VSTM2B: variants seen among roughly 807,000 people sequenced by gnomAD.
The protein encoded by VSTM2B is V-set and transmembrane domain containing 2B.
In VSTM2B, 24 loss-of-function variants were observed where a neutral mutation model predicts 24.0. The ratio of observed to expected loss-of-function variants is 1.00; its 90% CI spans 0.72 to 1.40. VSTM2B has a LOEUF of 1.40. VSTM2B is among the 40% of genes most tolerant of loss of function. The pLI is 0.00. For synonymous variants in VSTM2B, 226 were observed against 194.4 expected, an observed-to-expected ratio of 1.16 and a Z score of -1.35; for missense variants, 399 against 416.4, an observed-to-expected ratio of 0.96 and a Z score of 0.36.
At chr19:29,532,284 G>A (rs1236226654) in intron 4 of VSTM2B, among the ~76,000 whole-genome samples, 1 of 152,166 alleles carries the variant, frequency 6.6e-6, no homozygotes, top group African/African-American at 2.4e-5. Flanking sequence ...GTCCAACATG[G>A]ATGTAGGGCC....
At chr19:29,562,262 C>A (rs924244095) in intron 4 of VSTM2B, among the ~76,000 whole-genome samples, 3 of 152,112 alleles carry the variant, frequency 2.0e-5, no homozygotes, top group Admixed American at 6.5e-5. Context: ...CAGCTATGGC[C>A]AGAGCAGGGA....
intron 4 of VSTM2B, among the ~76,000 whole-genome samples, chr19:29,550,727 C>T (rs73029470): frequency 0.19 from 28,468 of 151,994 alleles, 3,885 homozygotes; most frequent in African/African-American, 0.38. Context: ...AAATGAGCCT[C>T]CACTTAGCCA....
chr19:29,561,300 A>C (rs1433206240), intron 4 of VSTM2B, among the ~76,000 whole-genome samples: 1 of 150,826 alleles, frequency 6.6e-6, no homozygotes, highest in Non-Finnish European at 1.5e-5. Context: ...TGACAGAGTG[A>C]GACTCCATCT....
intron 4 of VSTM2B, among the ~76,000 whole-genome samples, chr19:29,537,848 T>C (rs1039475914): frequency 6.0e-5 from 9 of 150,194 alleles, no homozygotes; most frequent in African/African-American, 2.2e-4. Flanking sequence ...AAAGTCCCAG[T>C]TGAGCACCCA....
intron 4 of VSTM2B, among the ~76,000 whole-genome samples, chr19:29,542,544 G>A (rs1970047238): frequency 6.6e-6 from 1 of 151,546 alleles, no homozygotes; most frequent in Non-Finnish European, 1.5e-5. Context: ...TGGGTGGAGG[G>A]ATGATGAGTG....
intron 4 of VSTM2B, among the ~76,000 whole-genome samples, chr19:29,536,110 G>A (rs77620805): frequency 9.2e-5 from 14 of 152,276 alleles, no homozygotes; most frequent in African/African-American, 1.9e-4. Flanking sequence ...CATTATCAGC[G>A]ACATGGCATC....
At chr19:29,541,987 T>A (rs139322079) in intron 4 of VSTM2B, among the ~76,000 whole-genome samples, 59 of 147,596 alleles carry the variant, frequency 4.0e-4, no homozygotes, top group Admixed American at 1.3e-3. Flanking sequence ...GGTTGATGGA[T>A]GGGAGAATGA....
At chr19:29,532,407 A>T (rs1397410158) in intron 4 of VSTM2B, among the ~76,000 whole-genome samples, 3 of 152,212 alleles carry the variant, frequency 2.0e-5, no homozygotes, top group African/African-American at 7.2e-5. Context: ...GCATACAGGC[A>T]GTGCTCAGGG....
At chr19:29,532,162 C>G (rs944949424) in intron 4 of VSTM2B, among the ~76,000 whole-genome samples, 5 of 152,234 alleles carry the variant, frequency 3.3e-5, no homozygotes, top group Non-Finnish European at 5.9e-5. Context: ...GCGCTTAACT[C>G]TCTCAGAGAA....
chr19:29,546,070 A>G (rs935195402), intron 4 of VSTM2B, among the ~76,000 whole-genome samples: 2 of 152,078 alleles, frequency 1.3e-5, no homozygotes, highest in Non-Finnish European at 2.9e-5. Context: ...TGGCAGGGGC[A>G]GGAAGTAGAT....
rs1456670641 is a variant in VSTM2B at position 29,544,748 on chromosome 19, G to A, written c.769+14458G>A. 2.0e-5 allele frequency among the ~76,000 whole-genome samples: 3 copies of A among 152,290 alleles called. No homozygotes were observed. The East Asian group carries it at 5.8e-4, about 29-fold the overall frequency. On this transcript the variant is annotated intron_variant, in intron 4 of 4. Transcript: ENST00000335523. ...GGCTCCCCAGAGGGAACTCGAGACAGGCCTCTCAGCCCCAGCTTGTATCTG... is the reference window on the plus strand; with the variant it reads ...GGCTCCCCAGAGGGAACTCGAGACAAGCCTCTCAGCCCCAGCTTGTATCTG...
intron 3 of VSTM2B, chr19:29,529,064 A>G: frequency 3.0e-6 from 3 of 985,412 alleles, no homozygotes; most frequent in Non-Finnish European, 3.6e-6. Flanking sequence ...AGGCCTGGAG[A>G]TGACGAAGCC....
intron 4 of VSTM2B, among the ~76,000 whole-genome samples, chr19:29,547,612 G>A (rs959760523): frequency 2.0e-5 from 3 of 152,274 alleles, no homozygotes; most frequent in Admixed American, 6.5e-5. Flanking sequence ...GCCCTCTGAC[G>A]CATGGGCTTC....
At chr19:29,533,490 C>A (rs80307136) in intron 4 of VSTM2B, among the ~76,000 whole-genome samples, 11,047 of 152,248 alleles carry the variant, frequency 0.073, 762 homozygotes, top group African/African-American at 0.17. Flanking sequence ...AGAAGGTGGG[C>A]CTTCAGCTGG....
intron 4 of VSTM2B, among the ~76,000 whole-genome samples, chr19:29,555,974 G>C (rs1970397000): frequency 1.3e-5 from 2 of 152,030 alleles, no homozygotes; most frequent in African/African-American, 4.8e-5. Flanking sequence ...AATTCTACTA[G>C]AGGTACAAAG....
chr19:29,526,507 C>A lies in VSTM2B; in HGVS notation c.-77C>A. On this transcript the variant is annotated 5_prime_UTR_variant, in exon 1 of 5. Coordinates refer to ENST00000335523, the MANE Select transcript of VSTM2B (RefSeq NM_001146339.2). This position sits in a 1 kb window ranked among gnomAD's most constrained non-coding sequence, Gnocchi z 4.1. ...AGGCTCGGAGGCGTCCTAGCCCGAG[C>A]CGGAGCCGATCCGAGCCCACGCGGC... The A allele has an allele frequency of 8.2e-7, 1 of 1,226,794 alleles. No individual in the cohort carries two copies. The highest frequency in any genetic ancestry group is 1.6e-5 in the African/African-American group (1 of 62,420). 76.0% of individuals were successfully genotyped at this position (1,226,794 alleles called of 1,614,324 possible). A position where few individuals can be genotyped will look rare whatever the true frequency, so the allele number is the denominator to read the frequency against.
At chr19:29,546,674 C>T (rs1318488398) in intron 4 of VSTM2B, among the ~76,000 whole-genome samples, 2 of 150,790 alleles carry the variant, frequency 1.3e-5, no homozygotes, top group African/African-American at 4.9e-5. Flanking sequence ...TGGGGAGCCC[C>T]CACCCCCACC....
intron 4 of VSTM2B, among the ~76,000 whole-genome samples, chr19:29,553,878 A>G (rs113374392): frequency 6.6e-6 from 1 of 152,222 alleles, no homozygotes; most frequent in Non-Finnish European, 1.5e-5. Flanking sequence ...TAGAGAAAAA[A>G]GAATGAAAAG....
intron 4 of VSTM2B, among the ~76,000 whole-genome samples, chr19:29,555,587 T>G (rs1970387717): frequency 6.6e-6 from 1 of 151,928 alleles, no homozygotes; most frequent in Admixed American, 6.6e-5. Context: ...AACAGAGACA[T>G]GAAAAATCCT....
Sources: allele counts gnomAD v4.1 joint callset (sites outside exome capture counted in the v4.1 genomes callset), GRCh38; gene constraint gnomAD v4.1.1; non-coding constraint Gnocchi (gnomAD v3.1); transcripts MANE v1.5; gene names NCBI Gene and HGNC (gene_info 2026-07-23, HGNC 2026-07-21).